Variants in RNF123 observed in about 807,000 individuals in gnomAD.
RNF123 encodes the protein E3 ubiquitin-protein ligase RNF123.
RNF123 carries 86 observed loss-of-function variants against 168.5 expected under a neutral mutation model. The observed-to-expected ratio is 0.51, with a 90% CI of 0.43 to 0.61. The LOEUF is 0.61. Ranked by LOEUF, RNF123 falls within the 20% of genes least tolerant of loss-of-function variation. The probability of loss-of-function intolerance (pLI) is 0.00; values close to 1 mark genes in which losing one functional copy is unlikely to be tolerated. For missense variants in RNF123, 1,419 were observed against 1,729.7 expected (o/e 0.82, Z 3.19); for synonymous variants, 666 against 689.1 (o/e 0.97, Z 0.52).
chr3:49,718,114 T>A (rs1244056717), intron 35 of RNF123: 1 of 1,613,556 alleles, frequency 6.2e-7, no homozygotes, highest in African/African-American at 1.3e-5. Flanking sequence ...TACGTGCTTG[T>A]GGACGCTGGC....
chr3:49,706,657 G>C (rs369784049), intron 25 of RNF123, 134 bp from the exon 26 acceptor site: 1 of 721,886 alleles, frequency 1.4e-6, no homozygotes, highest in Non-Finnish European at 2.4e-6. Context: ...GGCAGAAGAA[G>C]GTTTTGAAAA....
Position 49,697,411 on chromosome 3 carries a change from C to G in RNF123, c.296C>G (p.Thr99Arg). The G allele has an allele frequency of 6.2e-7, 1 of 1,611,072 alleles. No homozygotes were observed. The highest frequency in any genetic ancestry group is 8.5e-7 in the Non-Finnish European group (1 of 1,178,330). ...LGPSTVVLDH[T>R]GGFEGLLLVD... is the part of the protein sequence containing the mutation. ...CCATCCACTGTGGTCCTGGACCACA[C>G]AGGCGGCTTTGAGGGGCTTCTCCTG... is the stretch of plus-strand genomic sequence containing the variant. The change falls in exon 5 of 39, where the codon ACA becomes AGA. Residue 99 changes from threonine (T) to arginine (R), a missense_variant. This residue lies in a region of RNF123 where 318 missense variants were observed against 446.6 expected (regional missense o/e 0.71). Transcript: ENST00000327697.
At position 49,705,012 on chromosome 3, in the gene RNF123, G is replaced by GGCCACT. The variant is rs2054485842; in HGVS notation, c.1992_1997dup (p.Leu667_Pro668dup). The GGCCACT allele has an allele frequency of 6.2e-7, 1 of 1,608,318 alleles. No individual in the cohort carries two copies. Among genetic ancestry groups the GGCCACT allele is most frequent in the Non-Finnish European group, 8.5e-7 (1 of 1,178,386 alleles). On this transcript the variant is annotated inframe_insertion, in exon 23 of 39. Transcript: ENST00000327697. ...CCCATGCAGGCCCTGGCTGTTGGGG[G>GGCCACT]GCCACTGCCCCTGCCCCGGCCCGGC...
rs1267014715 is a variant in RNF123 at position 49,713,764 on chromosome 3, C to T, written c.2776C>T (p.Leu926=). The T allele has an allele frequency of 6.2e-7, 1 of 1,608,506 alleles. No individual in the cohort carries two copies. Among genetic ancestry groups the T allele is most frequent in the South Asian group, 1.1e-5 (1 of 90,254 alleles). The change falls in exon 29 of 39, where the codon CTG becomes TTG. Residue 926 remains leucine (L), a synonymous_variant. Transcript: ENST00000327697. ...CATCCGAGACTCACTGATGCAGGCCCTGGCCAGCTACGTGTGCTACCCACA... is the reference window on the plus strand; with the variant it reads ...CATCCGAGACTCACTGATGCAGGCCTTGGCCAGCTACGTGTGCTACCCACA... ...TDIRDSLMQA[L]ASYVCYPHSL...
rs1395613525 is a variant in RNF123 at position 49,705,100 on chromosome 3, C to T, written c.2076C>T (p.Leu692=). 1.9e-6 allele frequency: 3 copies of T among 1,611,476 alleles called. No individual in the cohort carries two copies. Among genetic ancestry groups the T allele is most frequent in the Non-Finnish European group, 2.5e-6 (3 of 1,178,924 alleles). The change falls in exon 23 of 39, where the codon CTC becomes CTT. Residue 692 remains leucine, a synonymous_variant. Coordinates refer to ENST00000327697, the MANE Select transcript of RNF123 (RefSeq NM_022064.5). ...TCCTCAGCACAGCGGCTGTGAGCCTCATGACCCCACGGCGGCCTCTGAGCA... is the reference window on the plus strand; with the variant it reads ...TCCTCAGCACAGCGGCTGTGAGCCTTATGACCCCACGGCGGCCTCTGAGCA... ...NRFLSTAAVS[L]MTPRRPLSTS... is the part of the protein sequence containing the mutation.
intron 37 of RNF123, 24 bp downstream of exon 37, chr3:49,720,918 G>A: frequency 6.2e-7 from 1 of 1,613,128 alleles, no homozygotes; most frequent in Non-Finnish European, 8.5e-7. Context: ...CGGTGCACAG[G>A]TCCATGCCAC....
At chr3:49,715,554 C>T in intron 31 of RNF123, 21 bp from the exon 32 acceptor site, 1 of 1,613,202 alleles carries the variant, frequency 6.2e-7, no homozygotes, top group South Asian at 1.1e-5. Context: ...CCTGATGATG[C>T]CGCCTCCTGT....
chr3:49,692,546 C>T (rs1228700095), intron 3 of RNF123, among the ~76,000 whole-genome samples: 2 of 152,192 alleles, frequency 1.3e-5, no homozygotes, highest in African/African-American at 4.8e-5. Context: ...ACTATAGTCA[C>T]TCTGTTCTGC....
rs376480604 is a variant in RNF123 at position 49,697,235 on chromosome 3, C to T, written c.247+13C>T. On this transcript the variant is annotated intron_variant, in intron 4 of 38. Transcript: ENST00000327697. ...GAGGAAAGCCAGGGTATGTGGCCACCTCTGGAGTGGGGTTGGGAGGTGCAG... is the reference window on the plus strand; with the variant it reads ...GAGGAAAGCCAGGGTATGTGGCCACTTCTGGAGTGGGGTTGGGAGGTGCAG... 177 of 1,612,832 alleles carry T rather than the reference C, an allele frequency of 1.1e-4. No homozygotes were observed. The highest frequency in any genetic ancestry group is 1.3e-4 in the Non-Finnish European group (154 of 1,178,892).
chr3:49,701,953 G>A, intron 17 of RNF123, 43 bp downstream of exon 17: 1 of 1,552,204 alleles, frequency 6.4e-7, no homozygotes, highest in Non-Finnish European at 8.7e-7. Context: ...AGGTGTGTGT[G>A]TGCACATGAG....
In RNF123 at chr3:49,721,355, A is replaced by T; in HGVS notation, c.*50A>T. 1.9e-6 allele frequency: 3 copies of T among 1,613,176 alleles called. No individual in the cohort carries two copies. The highest frequency in any genetic ancestry group is 2.5e-6 in the Non-Finnish European group (3 of 1,179,170). On this transcript the variant is annotated 3_prime_UTR_variant, in exon 39 of 39. Coordinates refer to ENST00000327697, the MANE Select transcript of RNF123 (RefSeq NM_022064.5). ...AACCTCCACCTTTGAACCCAGAGCC[A>T]GGCTGGGCCCTATTTATGAGCTCCC...
At chr3:49,716,764 G>T (rs1286522748) in intron 35 of RNF123, 5 of 415,670 alleles carry the variant, frequency 1.2e-5, no homozygotes, top group Non-Finnish European at 2.2e-5. Flanking sequence ...GACTCCGGAG[G>T]GTGTGCCGTC....
chr3:49,721,302 C>T lies in RNF123; in HGVS notation c.3942C>T (p.Ala1314=). Reference sequence around the variant, plus strand: ...ATACGAGTACTACCTCCTCAGCTGCCTAGCCCTCACAGCCTGTGCCATCCT... The same window carrying T: ...ATACGAGTACTACCTCCTCAGCTGCTTAGCCCTCACAGCCTGTGCCATCCT... ...GANTSTTSSA[A] is the part of the protein sequence containing the mutation. Residue 1314 remains alanine, a synonymous_variant, in exon 39 of 39, where the codon GCC becomes GCT. Transcript: ENST00000327697. 6.2e-7 allele frequency: 1 copy of T among 1,614,186 alleles called. No homozygotes were observed. Among genetic ancestry groups the T allele is most frequent in the Non-Finnish European group, 8.5e-7 (1 of 1,180,034 alleles).
At position 49,697,810 on chromosome 3, in the gene RNF123, G is replaced by A. The variant is rs556216698; in HGVS notation, c.343-75G>A. 9.2e-5 allele frequency: 145 copies of A among 1,575,112 alleles called. No homozygotes were observed. The East Asian group carries it at 2.8e-3, about 30-fold the overall frequency. ...ATACCACCAGGGCTGGCTCAGTTGG[G>A]GATGGGGTCTTTTTCCCTTGGGGAG... is the stretch of plus-strand genomic sequence containing the variant. On this transcript the variant is annotated intron_variant, in intron 5 of 38. Coordinates refer to ENST00000327697, the MANE Select transcript of RNF123 (RefSeq NM_022064.5).
At chr3:49,705,398 C>G (rs1036485561) in intron 23 of RNF123, 136 bp from the exon 24 acceptor site, 2 of 1,334,068 alleles carry the variant, frequency 1.5e-6, no homozygotes, top group African/African-American at 3.0e-5. Context: ...ACCCCTACCC[C>G]CATGCCCCCA....
At position 49,700,509 on chromosome 3, in the gene RNF123, T is replaced by G; in HGVS notation, c.1148T>G (p.Met383Arg). 1 of 1,614,178 alleles carries G rather than the reference T, an allele frequency of 6.2e-7. No individual in the cohort carries two copies. Among genetic ancestry groups the G allele is most frequent in the South Asian group, 1.1e-5 (1 of 91,084 alleles). The change falls in exon 14 of 39, where the codon ATG becomes AGG. Residue 383 changes from methionine to arginine, a missense_variant. By Grantham distance (91) the Met-to-Arg change is moderately conservative. Coordinates refer to ENST00000327697, the MANE Select transcript of RNF123 (RefSeq NM_022064.5). ...CAAGATTGCCTCAAGCAGTTGATGA[T>G]GTCTCTGCTTCGGCTGTACCGATTC... ...EVQDCLKQLMMSLLRLYRFSP... is the reference protein window; with the variant it reads ...EVQDCLKQLMRSLLRLYRFSP...
chr3:49,699,394 TG>T lies in RNF123; in HGVS notation c.765-68del, dbSNP rs972992892. The T allele has an allele frequency of 3.6e-5, 45 of 1,254,784 alleles. No homozygotes were observed. The highest frequency in any genetic ancestry group is 4.2e-5 in the Non-Finnish European group (37 of 886,288). 77.7% of individuals were successfully genotyped at this position (1,254,784 alleles called of 1,614,324 possible). A position where few individuals can be genotyped will look rare whatever the true frequency, so the allele number is the denominator to read the frequency against. ...CTGCCCTAGAGCCCAGGCCCCGGGG[TG>T]GGGGGTGGGCAGTGGAGAGGGAGTA... On this transcript the variant is annotated intron_variant, in intron 10 of 38. Transcript: ENST00000327697. This position sits in a 1 kb window ranked among gnomAD's most constrained non-coding sequence, Gnocchi z 4.8.
rs1478997639 is a variant in RNF123 at position 49,718,672 on chromosome 3, T to C, written c.3501-1839T>C. 2.5e-6 allele frequency: 4 copies of C among 1,612,860 alleles called. No homozygotes were observed. The highest frequency in any genetic ancestry group is 3.3e-5 in the Admixed American group (2 of 60,004). On this transcript the variant is annotated intron_variant, in intron 35 of 38. Transcript: ENST00000327697. The stretch of plus-strand genomic sequence containing the variant: ...GCAGTTCTCAAAGACGCGGCTGTGC[T>C]GGAAGAAGCGCACGCGGGACGCGGG...
chr3:49,715,747 G>A, intron 32 of RNF123, 33 bp downstream of exon 32: 3 of 1,614,184 alleles, frequency 1.9e-6, no homozygotes, highest in African/African-American at 1.3e-5. Flanking sequence ...GGGTTAGGGT[G>A]GTGCAAGGGA....
Sources: gnomAD v4.1 joint callset for allele counts (sites outside exome capture counted in the v4.1 genomes callset) on GRCh38, gnomAD v4.1.1 for gene constraint, gnomAD v4.1.1 regional missense constraint, Gnocchi (gnomAD v3.1) non-coding constraint, MANE v1.5 for transcripts, NCBI Gene and HGNC (gene_info 2026-07-23, HGNC 2026-07-21) for gene names.